Variants in ASAP1 observed in about 807,000 individuals in gnomAD.
ASAP1 encodes the protein ArfGAP with SH3 domain, ankyrin repeat and PH domain 1.
A neutral mutation model predicts 145.2 loss-of-function variants in ASAP1; 43 were observed. That is an observed-to-expected ratio of 0.30 (90% CI 0.23 to 0.38). The LOEUF (loss-of-function observed/expected upper bound fraction) is 0.38. ASAP1 is among the 10% of genes least tolerant of loss of function. ASAP1 has a pLI of 1.00. For synonymous variants in ASAP1, 546 were observed against 515.5 expected (o/e 1.06, Z -0.80); for missense variants, 1,018 against 1,355.3 (o/e 0.75, Z 3.91).
At chr8:130,313,878 C>A (rs76367770) in intron 3 of ASAP1, among the ~76,000 whole-genome samples, 2,491 of 152,252 alleles carry the variant, frequency 0.016, 68 homozygotes, top group African/African-American at 0.055. Context: ...GTCAATGCCA[C>A]TGCACTCGAC....
intron 2 of ASAP1, among the ~76,000 whole-genome samples, chr8:130,394,803 C>T (rs1172825615): frequency 2.6e-5 from 4 of 152,160 alleles, no homozygotes; most frequent in Non-Finnish European, 5.9e-5. Flanking sequence ...CTATCAGGGG[C>T]AGGTTCCCTG....
chr8:130,439,266 C>A (rs1023748351), intron 1 of ASAP1, among the ~76,000 whole-genome samples: 2 of 152,162 alleles, frequency 1.3e-5, no homozygotes, highest in Admixed American at 6.5e-5. Flanking sequence ...CCCAGCGCTG[C>A]CAGGAGTAAC....
intron 4 of ASAP1, among the ~76,000 whole-genome samples, chr8:130,229,191 T>C (rs896356985): frequency 3.9e-5 from 6 of 152,234 alleles, no homozygotes; most frequent in Admixed American, 6.5e-5. Context: ...AGTAAATAGT[T>C]ATTCTTTCTT....
intron 2 of ASAP1, among the ~76,000 whole-genome samples, chr8:130,380,648 A>G (rs989490566): frequency 6.6e-6 from 1 of 152,346 alleles, no homozygotes; most frequent in South Asian, 2.1e-4. Flanking sequence ...GCCAACAGAA[A>G]TATAACCCAG....
chr8:130,384,418 C>T (rs936196010), intron 2 of ASAP1, among the ~76,000 whole-genome samples: 26 of 152,174 alleles, frequency 1.7e-4, no homozygotes, highest in Non-Finnish European at 5.9e-5. Flanking sequence ...TCAGAGAACC[C>T]CACTGCTGGG....
At chr8:130,079,387 A>G (rs1485282701) in intron 26 of ASAP1, among the ~76,000 whole-genome samples, 2 of 152,132 alleles carry the variant, frequency 1.3e-5, no homozygotes, top group African/African-American at 4.8e-5. Context: ...TTTCAGTGAA[A>G]AAAGGGAAGA....
intron 3 of ASAP1, among the ~76,000 whole-genome samples, chr8:130,296,253 G>A (rs545076964): frequency 6.6e-6 from 1 of 152,300 alleles, no homozygotes; most frequent in East Asian, 1.9e-4. Flanking sequence ...CTAAACAGAG[G>A]TTTACCTGGT....
intron 3 of ASAP1, among the ~76,000 whole-genome samples, chr8:130,318,828 C>G (rs1207416690): frequency 1.3e-5 from 2 of 152,016 alleles, no homozygotes; most frequent in Non-Finnish European, 2.9e-5. Context: ...GTGGAAATGT[C>G]AAATGGAGTG....
chr8:130,096,100 AGAAAG>A (rs1477567843), intron 24 of ASAP1, among the ~76,000 whole-genome samples: 1 of 152,240 alleles, frequency 6.6e-6, no homozygotes, highest in Non-Finnish European at 1.5e-5. Flanking sequence ...TAGAAGCTAC[AGAAAG>A]GAAGATGCTA....
chr8:130,168,995 A>G lies in ASAP1; in HGVS notation c.819T>C (p.Tyr273=). Residue 273 remains tyrosine (Y), a synonymous_variant, in exon 10 of 30, where the codon TAT becomes TAC. Coordinates refer to ENST00000518721, the MANE Select transcript of ASAP1 (RefSeq NM_018482.4). The stretch of plus-strand genomic sequence containing the variant: ...ATGTATTTTATAAAGAACTTACATT[A>G]TATAAATCAGCAGCCAGTTTTTCAA... ...QYIEKLAADL[Y]NIKQTQDEEK... is the part of the protein sequence containing the mutation. 7.7e-6 allele frequency: 12 copies of G among 1,562,450 alleles called. No individual in the cohort carries two copies. The highest frequency in any genetic ancestry group is 9.5e-6 in the Non-Finnish European group (11 of 1,154,274).
intron 28 of ASAP1, 79 bp from the exon 29 acceptor site, chr8:130,058,155 T>G (rs1176385747): frequency 6.5e-7 from 1 of 1,536,612 alleles, no homozygotes; most frequent in African/African-American, 1.4e-5. Context: ...GTAAAATGGT[T>G]GACCTTGGCC....
chr8:130,180,670 T>G, intron 8 of ASAP1, 81 bp downstream of exon 8: 1 of 1,467,564 alleles, frequency 6.8e-7, no homozygotes, highest in Non-Finnish European at 9.2e-7. Context: ...AGTCTGCCTT[T>G]AAGCATAAAG....
At chr8:130,253,263 T>G (rs1401369658) in intron 3 of ASAP1, among the ~76,000 whole-genome samples, 4 of 152,194 alleles carry the variant, frequency 2.6e-5, no homozygotes, top group African/African-American at 9.7e-5. Context: ...TGCCTCAGTT[T>G]CCTCCCTCTA....
At chr8:130,280,082 C>T (rs1482453365) in intron 3 of ASAP1, among the ~76,000 whole-genome samples, 1 of 152,140 alleles carries the variant, frequency 6.6e-6, no homozygotes, top group African/African-American at 2.4e-5. Context: ...AGGTAGTGTT[C>T]TTGACTATTT....
In ASAP1 at chr8:130,358,332, G is replaced by C. The variant is rs1826477243; in HGVS notation, c.60-189C>G. The stretch of plus-strand genomic sequence containing the variant: ...AAGGAGGCGGGCGAAGGCAGGCGGC[G>C]GCGGCGCTGGCGGGGCTCGGCGCGG... On this transcript the variant is annotated intron_variant, in intron 2 of 29. Transcript: ENST00000518721. The surrounding 1 kb of genome is among the most constrained non-coding windows in gnomAD (Gnocchi z 4.1). Among the ~76,000 whole-genome samples the C allele has an allele frequency of 1.3e-5, 2 of 149,100 alleles. No homozygotes were observed. The highest frequency in any genetic ancestry group is 4.9e-5 in the African/African-American group (2 of 41,082).
intron 2 of ASAP1, among the ~76,000 whole-genome samples, chr8:130,395,143 G>A (rs72724490): frequency 0.045 from 6,804 of 152,240 alleles, 159 homozygotes; most frequent in Middle Eastern, 0.075. Flanking sequence ...CAAGAAATCT[G>A]GAAGCACTCA....
intron 3 of ASAP1, among the ~76,000 whole-genome samples, chr8:130,298,000 T>C (rs571783501): frequency 5.3e-5 from 8 of 152,336 alleles, no homozygotes; most frequent in Non-Finnish European, 1.0e-4. Context: ...CCCAATTCTC[T>C]GTGGGAGTCC....
chr8:130,234,452 C>T (rs932119096), intron 4 of ASAP1, among the ~76,000 whole-genome samples: 3 of 152,120 alleles, frequency 2.0e-5, no homozygotes, highest in Non-Finnish European at 2.9e-5. Flanking sequence ...GTGCAGTCTA[C>T]TGGAGGAGGC....
intron 11 of ASAP1, among the ~76,000 whole-genome samples, chr8:130,164,498 C>A (rs891087944): frequency 6.6e-6 from 1 of 151,914 alleles, no homozygotes; most frequent in Non-Finnish European, 1.5e-5. Context: ...GGCTGAGGCA[C>A]GAGAATCACT....
Sources: gnomAD v4.1 joint callset for allele counts (sites outside exome capture counted in the v4.1 genomes callset) on GRCh38, gnomAD v4.1.1 for gene constraint, Gnocchi (gnomAD v3.1) non-coding constraint, MANE v1.5 for transcripts, NCBI Gene and HGNC (gene_info 2026-07-23, HGNC 2026-07-21) for gene names.